The following PDZD2 variants were observed in gnomAD, a reference collection of about 807,000 sequenced individuals.
PDZD2 encodes PDZ domain containing 2.
PDZD2 carries 90 observed loss-of-function variants against 220.7 expected under a neutral mutation model. The ratio of observed to expected loss-of-function variants is 0.41; its 90% CI spans 0.34 to 0.49. The LOEUF (loss-of-function observed/expected upper bound fraction) is 0.49. Among genes scored for constraint, PDZD2 ranks in the 20% least tolerant of loss-of-function variants. PDZD2 has a pLI of 0.28. For missense variants in PDZD2, 3,174 were observed against 3,608.5 expected, an observed-to-expected ratio of 0.88 and a Z score of 3.08; for synonymous variants, 1,375 against 1,450.5, an observed-to-expected ratio of 0.95 and a Z score of 1.18.
intron 6 of PDZD2, among the ~76,000 whole-genome samples, chr5:32,033,448 A>AG (rs1473059099): frequency 6.6e-6 from 1 of 152,222 alleles, no homozygotes; most frequent in African/African-American, 2.4e-5. Context: ...AAGAGGAAAC[A>AG]GTTCCATTTA....
chr5:31,648,226 C>T (rs1745207580), intron 1 of PDZD2, among the ~76,000 whole-genome samples: 1 of 152,138 alleles, frequency 6.6e-6, no homozygotes, highest in African/African-American at 2.4e-5. Context: ...AAATTTATGT[C>T]CATAGCCTTG....
intron 2 of PDZD2, among the ~76,000 whole-genome samples, chr5:31,851,132 C>T (rs1758036099): frequency 6.6e-6 from 1 of 152,096 alleles, no homozygotes; most frequent in Admixed American, 6.6e-5. Flanking sequence ...GTTCTATTTT[C>T]TGTCTCTTTA....
chr5:31,872,084 C>G (rs1333213196), intron 2 of PDZD2, among the ~76,000 whole-genome samples: 1 of 151,880 alleles, frequency 6.6e-6, no homozygotes, highest in Non-Finnish European at 1.5e-5. Context: ...CTTTGGGAGT[C>G]ACTTCATATC....
chr5:31,798,300 T>C (rs1424923428), intron 1 of PDZD2, among the ~76,000 whole-genome samples: 1 of 152,224 alleles, frequency 6.6e-6, no homozygotes, highest in Non-Finnish European at 1.5e-5. Flanking sequence ...TACTAAAACC[T>C]GGGCTGCAAA....
rs184479229 is a variant in PDZD2, at chr5:31,873,265, C to G, written c.476+73541C>G. Reference sequence around the variant, plus strand: ...CCTGGGCAACATAATGAGACCCCATCTCTACAAAAAATTTAAAAATTAGCT... The same window carrying G: ...CCTGGGCAACATAATGAGACCCCATGTCTACAAAAAATTTAAAAATTAGCT... On this transcript the variant is annotated intron_variant, in intron 2 of 24. Transcript: ENST00000438447. Among the ~76,000 whole-genome samples, 219 of 152,066 alleles carry G rather than the reference C, an allele frequency of 1.4e-3. 1 individual carries two copies. Among genetic ancestry groups the G allele is most frequent in the Admixed American group, 2.6e-3 (40 of 15,250 alleles).
At chr5:32,107,408 A>G (rs1362121820) in intron 24 of PDZD2, 1 of 152,212 alleles carries the variant, frequency 6.6e-6, no homozygotes, top group African/African-American at 2.4e-5. Flanking sequence ...TATAAAAAAA[A>G]AAGCTGTGCA....
chr5:32,049,150 G>T (rs990051452), intron 8 of PDZD2, among the ~76,000 whole-genome samples: 1 of 152,010 alleles, frequency 6.6e-6, no homozygotes, highest in East Asian at 1.9e-4. Flanking sequence ...AAGGTCATGG[G>T]GGGCTGTAGA....
chr5:31,747,884 A>G (rs1750697752), intron 1 of PDZD2: 1 of 152,364 alleles, frequency 6.6e-6, no homozygotes, highest in South Asian at 2.1e-4. Context: ...GTGCTCAAGC[A>G]TGGCCCATAG....
intron 1 of PDZD2, among the ~76,000 whole-genome samples, chr5:31,713,342 C>T (rs922164717): frequency 6.6e-6 from 1 of 152,204 alleles, no homozygotes; most frequent in African/African-American, 2.4e-5. Flanking sequence ...ATTTCTATAA[C>T]CTTGGGCTAA....
At chr5:31,830,285 C>T (rs1378741259) in intron 2 of PDZD2, among the ~76,000 whole-genome samples, 1 of 151,200 alleles carries the variant, frequency 6.6e-6, no homozygotes, top group Non-Finnish European at 1.5e-5. Context: ...CCTGCCTCAG[C>T]CTCCCGAGTA....
rs527357291 is a variant in PDZD2, at chr5:31,849,089, G to A, written c.476+49365G>A. 8.5e-5 allele frequency among the ~76,000 whole-genome samples: 13 copies of A among 152,226 alleles called. No individual in the cohort carries two copies. The South Asian group carries it at 1.7e-3, about 19-fold the overall frequency. On this transcript the variant is annotated intron_variant, in intron 2 of 24. Transcript: ENST00000438447. ...TCCTTCCTTTCCTCTGTTTTGCTGG[G>A]AAAAGATGATTATTTCCCCAGGCAA...
chr5:31,686,366 C>G (rs538446454), intron 1 of PDZD2, among the ~76,000 whole-genome samples: 57 of 149,108 alleles, frequency 3.8e-4, no homozygotes, highest in Non-Finnish European at 6.6e-4. Flanking sequence ...AAAAAGTTTT[C>G]TTTTTTTTTT....
intron 21 of PDZD2, among the ~76,000 whole-genome samples, chr5:32,094,141 G>C (rs1743431441): frequency 6.6e-6 from 1 of 152,202 alleles, no homozygotes; most frequent in Non-Finnish European, 1.5e-5. Flanking sequence ...AAGAAACCCT[G>C]AGTGTGAGTG....
chr5:31,667,700 G>A (rs1039326716), intron 1 of PDZD2, among the ~76,000 whole-genome samples: 5 of 151,940 alleles, frequency 3.3e-5, no homozygotes, highest in African/African-American at 4.8e-5. Context: ...TCATTGCAGC[G>A]ATCCTGCCCC....
rs192123000 is a variant in PDZD2, at chr5:31,779,157, C to T, written c.-360-19732C>T. ...GCCCCAAACTACACCTGTACACTAA[C>T]TCCCAGCCCCACCACTGCACACACC... On this transcript the variant is annotated intron_variant, in intron 1 of 24. Coordinates refer to ENST00000438447, the MANE Select transcript of PDZD2 (RefSeq NM_178140.4). Among the ~76,000 whole-genome samples the T allele has an allele frequency of 3.3e-3, 498 of 152,178 alleles. 1 individual carries two copies. The highest frequency in any genetic ancestry group is 8.0e-3 in the Admixed American group (123 of 15,286).
At chr5:31,709,695 C>T (rs1055756241) in intron 1 of PDZD2, among the ~76,000 whole-genome samples, 3 of 152,090 alleles carry the variant, frequency 2.0e-5, no homozygotes, top group African/African-American at 7.2e-5. Flanking sequence ...ATGGCCCACG[C>T]CTGTAATCCC....
rs149297790 is a variant in PDZD2 at position 32,069,536 on chromosome 5, A to G, written c.2452-33A>G. The G allele has an allele frequency of 5.9e-4, 712 of 1,216,514 alleles. 3 individuals are homozygous for G. In the African/African-American group the frequency reaches 9.0e-3, roughly 15 times the overall value. The allele number at this position is 1,216,514 out of a possible 1,614,324, so 75.4% of individuals were successfully genotyped here. The stretch of plus-strand genomic sequence containing the variant: ...TCATTGGGAGAAATAAATAAATAAA[A>G]CCATCTAATCTTTGCTTTCTGCTGA... On this transcript the variant is annotated intron_variant, in intron 14 of 24. Coordinates refer to ENST00000438447, the MANE Select transcript of PDZD2 (RefSeq NM_178140.4).
At chr5:31,814,212 GAATA>G (rs1755294193) in intron 2 of PDZD2, among the ~76,000 whole-genome samples, 1 of 152,098 alleles carries the variant, frequency 6.6e-6, no homozygotes, top group African/African-American at 2.4e-5. Context: ...GCTTTAACTA[GAATA>G]AAAAGGAATT....
intron 1 of PDZD2, among the ~76,000 whole-genome samples, chr5:31,662,653 G>C (rs188545182): frequency 6.6e-6 from 1 of 151,990 alleles, no homozygotes; most frequent in African/African-American, 2.4e-5. Context: ...TTTTTGAGAC[G>C]GAGTCTGGCT....
Sources: allele counts gnomAD v4.1 joint callset (sites outside exome capture counted in the v4.1 genomes callset), GRCh38; gene constraint gnomAD v4.1.1; transcripts MANE v1.5; gene names NCBI Gene and HGNC (gene_info 2026-07-23, HGNC 2026-07-21).